PSD3: variants seen among roughly 807,000 people sequenced by gnomAD.
PSD3 encodes the protein pleckstrin and Sec7 domain containing 3, also known as PH and SEC7 domain-containing protein 3.
In PSD3, 49 loss-of-function variants were observed where a neutral mutation model predicts 105.5. The ratio of observed to expected loss-of-function variants is 0.46; its 90% CI spans 0.37 to 0.59. The LOEUF is 0.59. PSD3 is among the 20% of genes least tolerant of loss of function. The probability of loss-of-function intolerance (pLI) is 0.00; values close to 1 mark genes in which losing one functional copy is unlikely to be tolerated. For missense variants in PSD3, 1,561 were observed against 1,263.8 expected, an observed-to-expected ratio of 1.24 and a Z score of -3.57; for synonymous variants, 557 against 457.8, an observed-to-expected ratio of 1.22 and a Z score of -2.77.
At chr8:18,823,000 A>G (rs1812870073) in intron 4 of PSD3, among the ~76,000 whole-genome samples, 1 of 152,158 alleles carries the variant, frequency 6.6e-6, no homozygotes, top group African/African-American at 2.4e-5. Context: ...TGAAGTTTCA[A>G]TTTAAGCTCC....
chr8:18,842,838 C>A (rs1297270066), intron 4 of PSD3, among the ~76,000 whole-genome samples: 1 of 152,146 alleles, frequency 6.6e-6, no homozygotes, highest in Non-Finnish European at 1.5e-5. Flanking sequence ...GGGATGAATG[C>A]ACTGATTAAA....
chr8:18,870,683 C>T (rs548240399), intron 3 of PSD3, among the ~76,000 whole-genome samples: 1,266 of 124,292 alleles, frequency 0.01, 23 homozygotes, highest in African/African-American at 0.034. Context: ...GTATAATTTA[C>T]AAAAAAAAAA....
intron 9 of PSD3, among the ~76,000 whole-genome samples, chr8:18,692,947 C>T (rs1299266959): frequency 3.9e-5 from 6 of 152,080 alleles, no homozygotes; most frequent in Non-Finnish European, 8.8e-5. Flanking sequence ...AATTCACTAC[C>T]GGGGGTAGAA....
chr8:18,552,447 G>A (rs543889694), intron 15 of PSD3, among the ~76,000 whole-genome samples: 167 of 152,302 alleles, frequency 1.1e-3, no homozygotes, highest in African/African-American at 3.9e-3. Context: ...AGGGCCAACT[G>A]CATTGCTGTC....
intron 4 of PSD3, among the ~76,000 whole-genome samples, chr8:18,816,355 T>C (rs1563305616): frequency 1.3e-5 from 2 of 152,156 alleles, no homozygotes; most frequent in African/African-American, 2.4e-5. Flanking sequence ...GCCATGACCA[T>C]TCTGCCAGCA....
At chr8:18,802,695 G>C (rs574584854) in intron 6 of PSD3, among the ~76,000 whole-genome samples, 5 of 152,138 alleles carry the variant, frequency 3.3e-5, no homozygotes, top group Admixed American at 2.0e-4. Context: ...CCAGACCTCA[G>C]TTTCTTGATT....
At chr8:18,650,282 C>T (rs750547340) in intron 10 of PSD3, among the ~76,000 whole-genome samples, 10 of 152,032 alleles carry the variant, frequency 6.6e-5, no homozygotes, top group East Asian at 1.9e-4. Flanking sequence ...CCTCATCCTA[C>T]GCCATCCCAA....
chr8:18,565,906 G>A (rs889933916), intron 14 of PSD3, among the ~76,000 whole-genome samples: 1 of 152,040 alleles, frequency 6.6e-6, no homozygotes, highest in Admixed American at 6.6e-5. Context: ...TAGAAGCTGG[G>A]GATATCGCTA....
chr8:18,624,684 TA>T (rs35483520), intron 11 of PSD3, among the ~76,000 whole-genome samples: 5 of 145,454 alleles, frequency 3.4e-5, no homozygotes, highest in Admixed American at 6.9e-5. Context: ...CTTAAAGTAT[TA>T]AAAAAAAAAG....
chr8:18,985,745 A>G (rs1825468837), intron 1 of PSD3, among the ~76,000 whole-genome samples: 1 of 152,162 alleles, frequency 6.6e-6, no homozygotes, highest in Non-Finnish European at 1.5e-5. Flanking sequence ...GTAAAAAATC[A>G]TTTTTTAAGT....
At chr8:18,810,166 C>T (rs1292186493) in intron 4 of PSD3, among the ~76,000 whole-genome samples, 1 of 152,194 alleles carries the variant, frequency 6.6e-6, no homozygotes, top group Non-Finnish European at 1.5e-5. Context: ...ATTCTGTGAA[C>T]TCTTAGTGCT....
intron 9 of PSD3, among the ~76,000 whole-genome samples, chr8:18,662,799 G>C (rs758349805): frequency 8.5e-5 from 13 of 152,082 alleles, no homozygotes; most frequent in Non-Finnish European, 1.6e-4. Flanking sequence ...TTTTTGCCAT[G>C]GTTTTTGATC....
chr8:18,690,653 C>T (rs1486609605), intron 9 of PSD3, among the ~76,000 whole-genome samples: 1 of 152,218 alleles, frequency 6.6e-6, no homozygotes, highest in Non-Finnish European at 1.5e-5. Context: ...CCATGTGTCA[C>T]TAACCTACCA....
At chr8:18,538,214 A>T (rs895177787) in intron 15 of PSD3, among the ~76,000 whole-genome samples, 2 of 152,244 alleles carry the variant, frequency 1.3e-5, no homozygotes, top group African/African-American at 4.8e-5. Flanking sequence ...TTTATCAAGT[A>T]TTGTTATTTG....
intron 1 of PSD3, among the ~76,000 whole-genome samples, chr8:18,956,206 C>A (rs1051829629): frequency 6.6e-6 from 1 of 152,166 alleles, no homozygotes; most frequent in African/African-American, 2.4e-5. Context: ...AAAATGAGAG[C>A]TAGGCCCGTT....
chr8:18,711,497 G>T (rs1243232718), intron 9 of PSD3, among the ~76,000 whole-genome samples: 1 of 152,168 alleles, frequency 6.6e-6, no homozygotes, highest in Non-Finnish European at 1.5e-5. Context: ...TGACAAAACA[G>T]ACTTTAAATG....
intron 11 of PSD3, among the ~76,000 whole-genome samples, chr8:18,607,569 C>T (rs897010028): frequency 6.6e-6 from 1 of 151,478 alleles, no homozygotes; most frequent in Non-Finnish European, 1.5e-5. Flanking sequence ...ATTCGGGAGG[C>T]AATGTCTTGG....
At chr8:18,543,941 G>A (rs1355832615) in intron 15 of PSD3, among the ~76,000 whole-genome samples, 1 of 151,968 alleles carries the variant, frequency 6.6e-6, no homozygotes, top group Non-Finnish European at 1.5e-5. Context: ...GTAACAACCT[G>A]AATGAAAATA....
intron 15 of PSD3, among the ~76,000 whole-genome samples, chr8:18,545,397 A>G (rs1800396604): frequency 6.6e-6 from 1 of 152,164 alleles, no homozygotes; most frequent in South Asian, 2.1e-4. Context: ...GGTTTTGACT[A>G]TAGCTGAGTA....
Sources: gnomAD v4.1 joint callset for allele counts (sites outside exome capture counted in the v4.1 genomes callset) on GRCh38, gnomAD v4.1.1 for gene constraint, MANE v1.5 for transcripts, NCBI Gene and HGNC (gene_info 2026-07-23, HGNC 2026-07-21) for gene names.